FER: variants seen among roughly 807,000 people sequenced by gnomAD.
FER encodes the protein tyrosine-protein kinase Fer.
A neutral mutation model predicts 111.0 loss-of-function variants in FER; 63 were observed. The ratio of observed to expected loss-of-function variants is 0.57; its 90% CI spans 0.46 to 0.70. The LOEUF (loss-of-function observed/expected upper bound fraction) is 0.70, where lower values mean the gene tolerates loss of function less well. FER is among the 30% of genes least tolerant of loss of function. The probability of loss-of-function intolerance (pLI) is 0.00; values close to 1 mark genes in which losing one functional copy is unlikely to be tolerated. For synonymous variants in FER, 327 were observed against 313.9 expected (o/e 1.04, Z -0.44); for missense variants, 914 against 954.0 (o/e 0.96, Z 0.55).
At chr5:108,998,090 CG>C (rs1232090332) in intron 13 of FER, among the ~76,000 whole-genome samples, 2 of 151,068 alleles carry the variant, frequency 1.3e-5, no homozygotes, top group Admixed American at 6.6e-5. Flanking sequence ...TGGGACCTGC[CG>C]TACCAGACCA....
chr5:109,011,249 A>G (rs1045514194), intron 13 of FER, among the ~76,000 whole-genome samples: 43 of 152,326 alleles, frequency 2.8e-4, no homozygotes, highest in African/African-American at 1.0e-3. Context: ...TCAGTGAGAT[A>G]TTGAGAAGAT....
chr5:108,919,277 T>G (rs1752694069), intron 10 of FER, among the ~76,000 whole-genome samples: 1 of 152,046 alleles, frequency 6.6e-6, no homozygotes, highest in Non-Finnish European at 1.5e-5. Context: ...GATTTCACTT[T>G]GTAGATTTTT....
chr5:109,172,964 T>C (rs1426235009), intron 17 of FER, among the ~76,000 whole-genome samples: 2 of 152,072 alleles, frequency 1.3e-5, no homozygotes, highest in Non-Finnish European at 2.9e-5. Context: ...TCCACTTGGG[T>C]TTTTCAGGTA....
intron 17 of FER, among the ~76,000 whole-genome samples, chr5:109,142,748 G>A (rs1374301547): frequency 6.6e-6 from 1 of 151,964 alleles, no homozygotes; most frequent in African/African-American, 2.4e-5. Flanking sequence ...AAAAGACATA[G>A]AAATAGAAAA....
At chr5:109,155,698 C>T (rs1029896377) in intron 17 of FER, among the ~76,000 whole-genome samples, 3 of 151,914 alleles carry the variant, frequency 2.0e-5, no homozygotes, top group Non-Finnish European at 4.4e-5. Flanking sequence ...TACCAGAGAG[C>T]TTGATGATAC....
chr5:108,869,482 T>C (rs1764398306), intron 6 of FER, among the ~76,000 whole-genome samples: 1 of 152,214 alleles, frequency 6.6e-6, no homozygotes, highest in South Asian at 2.1e-4. Flanking sequence ...TAGTCAAGGA[T>C]CTCAAGTTGA....
chr5:109,154,763 G>GA (rs369921216), intron 17 of FER, among the ~76,000 whole-genome samples: 1 of 151,684 alleles, frequency 6.6e-6, no homozygotes, highest in Non-Finnish European at 1.5e-5. Flanking sequence ...ACCCTAAAAT[G>GA]AAAAAATGAC....
At chr5:108,778,326 G>A (rs895512176) in intron 2 of FER, among the ~76,000 whole-genome samples, 3 of 152,116 alleles carry the variant, frequency 2.0e-5, no homozygotes, top group Non-Finnish European at 4.4e-5. Flanking sequence ...AAGGACTTAC[G>A]GGGCATTTAA....
chr5:108,877,075 A>G, intron 8 of FER, among the ~76,000 whole-genome samples: 1 of 152,178 alleles, frequency 6.6e-6, no homozygotes, highest in East Asian at 1.9e-4. Flanking sequence ...CCTGTTACAG[A>G]GGATGATACC....
chr5:108,933,234 G>T (rs923397882), intron 10 of FER, among the ~76,000 whole-genome samples: 1 of 152,038 alleles, frequency 6.6e-6, no homozygotes, highest in African/African-American at 2.4e-5. Flanking sequence ...TAGGTCTTAC[G>T]TTTAAGTCTT....
intron 16 of FER, among the ~76,000 whole-genome samples, chr5:109,068,217 T>G (rs1775348512): frequency 6.6e-6 from 1 of 151,304 alleles, no homozygotes; most frequent in Admixed American, 6.6e-5. Flanking sequence ...GGAGTCTTAC[T>G]CTATGGCCCA....
rs532167526 is a variant in FER at position 109,115,306 on chromosome 5, G to A, written c.2048+14787G>A. 2.4e-4 allele frequency among the ~76,000 whole-genome samples: 36 copies of A among 152,160 alleles called. 1 individual carries two copies. In the South Asian group the frequency reaches 6.0e-3, roughly 25 times the overall value. On this transcript the variant is annotated intron_variant, in intron 17 of 19. Transcript: ENST00000281092. The stretch of plus-strand genomic sequence containing the variant: ...AAAATTAAAGACTATTTAGGAAGTA[G>A]AATCAACATGATTTATTGATAGGTT...
At chr5:108,891,627 G>T (rs1242774811) in intron 9 of FER, 1 of 151,208 alleles carries the variant, frequency 6.6e-6, no homozygotes, top group East Asian at 1.9e-4. Context: ...CCTAGTCCTA[G>T]ATCTCAGAGG....
At chr5:108,826,933 GGTGGTTTT>G (rs1459793203) in intron 3 of FER, among the ~76,000 whole-genome samples, 6 of 152,044 alleles carry the variant, frequency 3.9e-5, no homozygotes, top group Non-Finnish European at 8.8e-5. Flanking sequence ...TCAATGTTAT[GGTGGTTTT>G]AGAAACTTTT....
chr5:109,038,941 A>AT (rs1411104314), intron 14 of FER, among the ~76,000 whole-genome samples: 1 of 151,964 alleles, frequency 6.6e-6, no homozygotes, highest in Non-Finnish European at 1.5e-5. Flanking sequence ...TCAAAGAATA[A>AT]TTTTTTTCTC....
intron 3 of FER, among the ~76,000 whole-genome samples, chr5:108,829,340 T>TA (rs920032671): frequency 3.9e-5 from 6 of 152,166 alleles, no homozygotes; most frequent in East Asian, 3.9e-4. Flanking sequence ...AATTCTGTGT[T>TA]AAAAAAAATA....
intron 5 of FER, among the ~76,000 whole-genome samples, chr5:108,856,763 CT>C (rs1032368702): frequency 6.7e-6 from 1 of 149,404 alleles, no homozygotes; most frequent in Non-Finnish European, 1.5e-5. Context: ...AGAGTTAAAT[CT>C]TTTTTTTTTC....
At chr5:108,917,722 A>C (rs532185865) in intron 10 of FER, among the ~76,000 whole-genome samples, 4 of 152,200 alleles carry the variant, frequency 2.6e-5, no homozygotes, top group East Asian at 1.9e-4. Flanking sequence ...AAAAGGTGAT[A>C]CTTTAAGCTT....
chr5:108,879,697 A>ATATATATATATATATATATATAT (rs1554084588), intron 8 of FER, among the ~76,000 whole-genome samples: 6 of 96,046 alleles, frequency 6.2e-5, no homozygotes, highest in African/African-American at 3.7e-4. Context: ...TTAGATTAAA[A>ATATATATATATATATATATATAT]AAAAATATAT....
Sources: gnomAD v4.1 joint callset for allele counts (sites outside exome capture counted in the v4.1 genomes callset) on GRCh38, gnomAD v4.1.1 for gene constraint, MANE v1.5 for transcripts, NCBI Gene and HGNC (gene_info 2026-07-23, HGNC 2026-07-21) for gene names.